Variants in TACC2 observed in about 807,000 individuals in gnomAD.
The protein encoded by TACC2 is transforming acidic coiled-coil containing protein 2.
In TACC2, 137 loss-of-function variants were observed where a neutral mutation model predicts 227.3. That is an observed-to-expected ratio of 0.60 (90% CI 0.52 to 0.69). The LOEUF is 0.69. TACC2 is among the 30% of genes least tolerant of loss of function. The pLI is 0.00. For missense variants in TACC2, 3,470 were observed against 3,694.4 expected (o/e 0.94, Z 1.57); for synonymous variants, 1,523 against 1,487.5 (o/e 1.02, Z -0.55).
chr10:122,229,579 T>A (rs2095694583), intron 15 of TACC2, 93 bp downstream of exon 15: 7 of 1,464,402 alleles, frequency 4.8e-6, no homozygotes, highest in Non-Finnish European at 6.6e-6. Context: ...CAGGATTTGA[T>A]GAGGAACTGC....
rs548713006 is a variant in TACC2 at position 122,238,533 on chromosome 10, C to G, written c.8348+496C>G. On this transcript the variant is annotated intron_variant, in intron 18 of 22. Coordinates refer to ENST00000369005, the MANE Select transcript of TACC2 (RefSeq NM_206862.4). The stretch of plus-strand genomic sequence containing the variant: ...CGCCACCTCGGCTCACTGCAACCTC[C>G]AACTCTGCCAGGTTCAAGTGATTCT... Among the ~76,000 whole-genome samples, 44 of 152,258 alleles carry G rather than the reference C, an allele frequency of 2.9e-4. 1 individual carries two copies. Among genetic ancestry groups the G allele is most frequent in the Admixed American group, 2.5e-3 (39 of 15,306 alleles).
chr10:122,034,214 G>A (rs894346257), intron 2 of TACC2, among the ~76,000 whole-genome samples: 14 of 138,850 alleles, frequency 1.0e-4, no homozygotes, highest in Admixed American at 6.7e-4. Flanking sequence ...GGTGGGTGGT[G>A]CACTTGATGC....
In TACC2 at chr10:122,119,811, C is replaced by A. The variant is rs762350119; in HGVS notation, c.5574-12798C>A. Among the ~76,000 whole-genome samples the A allele has an allele frequency of 2.0e-5, 3 of 151,922 alleles. No homozygotes were observed. The East Asian group carries it at 5.8e-4, about 29-fold the overall frequency. ...GTATGCACCCGTCATCTCAGCTACT[C>A]GGGAGGCTGACGCAGGAGAATTGCT... On this transcript the variant is annotated intron_variant, in intron 5 of 22. Transcript: ENST00000369005.
chr10:122,103,643 G>T (rs1203308726), intron 5 of TACC2, among the ~76,000 whole-genome samples: 2 of 152,170 alleles, frequency 1.3e-5, no homozygotes, highest in Non-Finnish European at 2.9e-5. Flanking sequence ...CATCTTCTAG[G>T]CCCCACATAC....
intron 8 of TACC2, among the ~76,000 whole-genome samples, chr10:122,204,099 G>A (rs367664049): frequency 0.089 from 13,133 of 148,224 alleles, 1,449 homozygotes; most frequent in African/African-American, 0.25. Context: ...GTGAGCCGAG[G>A]TGGCAGCAGT....
rs368496781 is a variant in TACC2, at chr10:122,084,883, G to A, written c.2383G>A (p.Ala795Thr). ...CTTGGCAGCAGACCTGGGGCTCACG[G>A]CACTCATCCTGGACCAAGATCAGCA... ...ENLAADLGLT[A>T]LILDQDQQGI... Residue 795 changes from alanine to threonine, a missense_variant, in exon 4 of 23, where the codon GCA (alanine) becomes ACA (threonine). Physicochemically the swap from Ala to Thr is moderately conservative, Grantham distance 58 (BLOSUM62 0). Transcript: ENST00000369005. 89 of 1,613,936 alleles carry A rather than the reference G, an allele frequency of 5.5e-5. No individual in the cohort carries two copies. The Admixed American group carries it at 8.0e-4, about 15-fold the overall frequency.
intron 7 of TACC2, among the ~76,000 whole-genome samples, chr10:122,161,122 G>A (rs1013915457): frequency 6.6e-6 from 1 of 152,088 alleles, no homozygotes. Context: ...TTTTTGTAGA[G>A]ACAAGGTCTC....
intron 7 of TACC2, among the ~76,000 whole-genome samples, chr10:122,179,520 T>C (rs2093885965): frequency 1.3e-5 from 2 of 152,214 alleles, no homozygotes; most frequent in Admixed American, 6.5e-5. Flanking sequence ...TGCCCTTCAC[T>C]TTAACCCCTA....
In TACC2 at chr10:122,087,000, A is replaced by G. The variant is rs780122291; in HGVS notation, c.4500A>G (p.Pro1500=). 3.7e-6 allele frequency: 6 copies of G among 1,613,858 alleles called. No homozygotes were observed. The highest frequency in any genetic ancestry group is 5.1e-6 in the Non-Finnish European group (6 of 1,180,058). The stretch of plus-strand genomic sequence containing the variant: ...CAGCTTCAGACAAGCTTCTGGGTCC[A>G]GCAGGGCTGACCTGGGAGCGGAACT... ...QDPASDKLLG[P]AGLTWERNLP... Residue 1500 remains proline, a synonymous_variant, in exon 4 of 23, where the codon CCA becomes CCG. Coordinates refer to ENST00000369005, the MANE Select transcript of TACC2 (RefSeq NM_206862.4).
At position 122,102,104 on chromosome 10, in the gene TACC2, G is replaced by A. The variant is rs112451762; in HGVS notation, c.5573+13513G>A. Among the ~76,000 whole-genome samples, 247 of 152,054 alleles carry A rather than the reference G, an allele frequency of 1.6e-3. 1 individual carries two copies. Among genetic ancestry groups the A allele is most frequent in the African/African-American group, 4.9e-3 (203 of 41,460 alleles). ...GGTACTGTGTGACGCTTCACCCGTC[G>A]GTTTGGGCAGTTTATGGGCCACCCT... On this transcript the variant is annotated intron_variant, in intron 5 of 22. Transcript: ENST00000369005.
chr10:122,132,640 G>C lies in TACC2; in HGVS notation c.5605G>C (p.Ala1869Pro). ...TGTGGCAGATGATATCATCCAGCCC[G>C]CTGCCCCCGCAGACCTGGAAAGCCC... ...SPVADDIIQP[A>P]APADLESPTL... The change falls in exon 6 of 23, where the codon GCT (alanine) becomes CCT (proline). Residue 1869 changes from alanine to proline, a missense_variant. Coordinates refer to ENST00000369005, the MANE Select transcript of TACC2 (RefSeq NM_206862.4). 1 of 1,614,070 alleles carries C rather than the reference G, an allele frequency of 6.2e-7. No individual in the cohort carries two copies. Among genetic ancestry groups the C allele is most frequent in the Non-Finnish European group, 8.5e-7 (1 of 1,180,002 alleles).
chr10:122,161,708 AG>A, intron 7 of TACC2, among the ~76,000 whole-genome samples: 1 of 152,386 alleles, frequency 6.6e-6, no homozygotes, highest in Non-Finnish European at 1.5e-5. Flanking sequence ...AAAAGTTGGC[AG>A]ATGAGTTCTA....
At position 122,028,328 on chromosome 10, in the gene TACC2, G is replaced by A. The variant is rs184352601; in HGVS notation, c.33+6314G>A. On this transcript the variant is annotated intron_variant, in intron 2 of 22. Coordinates refer to ENST00000369005, the MANE Select transcript of TACC2 (RefSeq NM_206862.4). ...TGGTCTCAAACTCCTGACCTCAGGTGATCAGCCTGTCTCGGCCTCCCAAAG... is the reference window on the plus strand; with the variant it reads ...TGGTCTCAAACTCCTGACCTCAGGTAATCAGCCTGTCTCGGCCTCCCAAAG... Among the ~76,000 whole-genome samples, 26 of 152,002 alleles carry A rather than the reference G, an allele frequency of 1.7e-4. No individual in the cohort carries two copies. The East Asian group carries it at 2.3e-3, about 14-fold the overall frequency.
rs765258038 is a variant in TACC2 at position 122,085,541 on chromosome 10, A to G, written c.3041A>G (p.His1014Arg). 2.5e-6 allele frequency: 4 copies of G among 1,613,290 alleles called. No individual in the cohort carries two copies. Among genetic ancestry groups the G allele is most frequent in the African/African-American group, 2.7e-5 (2 of 74,958 alleles). Residue 1014 changes from histidine to arginine, a missense_variant, in exon 4 of 23, where the codon CAT becomes CGT. By Grantham distance (29) the His-to-Arg change is conservative (BLOSUM62 0). Transcript: ENST00000369005. ...CAGCATGAAGAAGCATGTCAAAGGC[A>G]TCCAGGAGCTTCTGAAGCAGCTGAT... is the stretch of plus-strand genomic sequence containing the variant. Reference protein sequence around the residue: ...GSQHEEACQRHPGASEAADGC... With the variant: ...GSQHEEACQRRPGASEAADGC...
rs1357493288 is a variant in TACC2, at chr10:122,249,632, G to A, written c.8749G>A (p.Val2917Met). 1.9e-6 allele frequency: 3 copies of A among 1,613,928 alleles called. No homozygotes were observed. The highest frequency in any genetic ancestry group is 2.5e-6 in the Non-Finnish European group (3 of 1,179,950). The change falls in exon 22 of 23, where the codon GTG becomes ATG. Residue 2917 changes from valine (V) to methionine (M), a missense_variant. Transcript: ENST00000369005. ...QASLRKEQLR[V>M]DALERTLEQK... Reference sequence around the variant, plus strand: ...CAGCCTGCGGAAGGAGCAGCTGCGAGTGGACGCCCTGGAAAGGACGCTGGA... The same window carrying A: ...CAGCCTGCGGAAGGAGCAGCTGCGAATGGACGCCCTGGAAAGGACGCTGGA...
rs187333811 is a variant in TACC2 at position 122,227,079 on chromosome 10, G to A, written c.7724+598G>A. ...TGATGAAGATTAAAGGAGGCTATCC[G>A]TCTTCCAGAGCGTCCCCGAGCTGTG... On this transcript the variant is annotated intron_variant, in intron 13 of 22. Transcript: ENST00000369005. Among the ~76,000 whole-genome samples the A allele has an allele frequency of 7.2e-5, 11 of 152,282 alleles. No individual in the cohort carries two copies. In the East Asian group the frequency reaches 7.7e-4, roughly 11 times the overall value.
chr10:121,990,451 T>G (rs1028615491), intron 1 of TACC2, among the ~76,000 whole-genome samples: 2 of 152,108 alleles, frequency 1.3e-5, no homozygotes, highest in African/African-American at 4.8e-5. Context: ...GGAAAGGTTT[T>G]GCTTTCGTTT....
At chr10:122,177,160 A>G (rs1436397542) in intron 7 of TACC2, among the ~76,000 whole-genome samples, 1 of 152,210 alleles carries the variant, frequency 6.6e-6, no homozygotes, top group Non-Finnish European at 1.5e-5. Flanking sequence ...ACCAGCCCCA[A>G]ATATGACAAG....
chr10:122,163,646 G>A (rs1188387635), intron 7 of TACC2: 9 of 1,039,550 alleles, frequency 8.7e-6, no homozygotes, highest in Non-Finnish European at 9.2e-6. Context: ...GCTCATACCC[G>A]CACGCCCCGG....
Sources: gnomAD v4.1 joint callset for allele counts (sites outside exome capture counted in the v4.1 genomes callset) on GRCh38, gnomAD v4.1.1 for gene constraint, MANE v1.5 for transcripts, NCBI Gene and HGNC (gene_info 2026-07-23, HGNC 2026-07-21) for gene names.